Variants in PSD3 observed in about 807,000 individuals in gnomAD.
PSD3 encodes pleckstrin and Sec7 domain containing 3.
Under a neutral mutation model 105.5 loss-of-function variants are expected in PSD3, and 49 were observed. That is an observed-to-expected ratio of 0.46 (90% CI 0.37 to 0.59). The LOEUF (loss-of-function observed/expected upper bound fraction) is 0.59. Ranked by LOEUF, PSD3 falls within the 20% of genes least tolerant of loss-of-function variation. The probability of loss-of-function intolerance (pLI) is 0.00; values close to 1 mark genes in which losing one functional copy is unlikely to be tolerated. For missense variants in PSD3, 1,561 were observed against 1,263.8 expected, an observed-to-expected ratio of 1.24 and a Z score of -3.57; for synonymous variants, 557 against 457.8, an observed-to-expected ratio of 1.22 and a Z score of -2.77.
At chr8:18,845,043 T>C (rs1814972833) in intron 4 of PSD3, among the ~76,000 whole-genome samples, 1 of 152,138 alleles carries the variant, frequency 6.6e-6, no homozygotes, top group African/African-American at 2.4e-5. Context: ...TAAAATCTTG[T>C]TATGTAAAGG....
chr8:18,913,114 CA>C (rs1156576275), intron 2 of PSD3, among the ~76,000 whole-genome samples: 9 of 150,386 alleles, frequency 6.0e-5, no homozygotes, highest in South Asian at 2.1e-4. Flanking sequence ...CACACACACA[CA>C]CACACACACT....
At chr8:18,771,424 A>T (rs1807518907) in intron 8 of PSD3, among the ~76,000 whole-genome samples, 2 of 152,194 alleles carry the variant, frequency 1.3e-5, no homozygotes, top group Admixed American at 1.3e-4. Flanking sequence ...CTAAGAAATC[A>T]TTGCCTAATC....
chr8:18,715,262 A>T (rs964610015), intron 9 of PSD3, among the ~76,000 whole-genome samples: 1 of 152,220 alleles, frequency 6.6e-6, no homozygotes, highest in Non-Finnish European at 1.5e-5. Flanking sequence ...CACATCCTGC[A>T]CATGTAAAAT....
intron 1 of PSD3, among the ~76,000 whole-genome samples, chr8:18,954,276 A>C (rs1233080782): frequency 1.3e-5 from 2 of 152,144 alleles, no homozygotes; most frequent in African/African-American, 4.8e-5. Context: ...GGGGCCCAAG[A>C]TTTGGGGAGG....
intron 9 of PSD3, among the ~76,000 whole-genome samples, chr8:18,666,556 A>C (rs184992283): frequency 6.6e-6 from 1 of 152,326 alleles, no homozygotes; most frequent in African/African-American, 2.4e-5. Flanking sequence ...GTTCATCATC[A>C]AAAAACAAAC....
chr8:18,764,596 G>C (rs1806813285), intron 9 of PSD3, among the ~76,000 whole-genome samples: 1 of 152,178 alleles, frequency 6.6e-6, no homozygotes, highest in East Asian at 1.9e-4. Context: ...GTAGCTTAAA[G>C]GTTACATAAA....
chr8:18,554,470 A>G (rs1203034147), intron 15 of PSD3, among the ~76,000 whole-genome samples: 1 of 152,240 alleles, frequency 6.6e-6, no homozygotes, highest in Non-Finnish European at 1.5e-5. Flanking sequence ...TTACCAAAAT[A>G]AATAGTTCTC....
intron 11 of PSD3, among the ~76,000 whole-genome samples, chr8:18,617,300 G>A (rs1389712818): frequency 2.6e-5 from 4 of 152,174 alleles, no homozygotes; most frequent in Non-Finnish European, 5.9e-5. Context: ...GGAGGCTGAG[G>A]TGGGTGAATC....
At chr8:18,789,507 G>C (rs1162503233) in intron 8 of PSD3, among the ~76,000 whole-genome samples, 1 of 152,126 alleles carries the variant, frequency 6.6e-6, no homozygotes, top group Non-Finnish European at 1.5e-5. Context: ...TTCAGTTCCA[G>C]ATAAATATTA....
intron 12 of PSD3, among the ~76,000 whole-genome samples, chr8:18,585,246 C>T (rs962441902): frequency 6.6e-6 from 1 of 152,144 alleles, no homozygotes; most frequent in Non-Finnish European, 1.5e-5. Flanking sequence ...AACTCTTAAT[C>T]ATTTCATACA....
intron 9 of PSD3, among the ~76,000 whole-genome samples, chr8:18,754,784 G>C (rs911060728): frequency 2.0e-5 from 3 of 151,914 alleles, no homozygotes; most frequent in African/African-American, 7.3e-5. Context: ...TTGACCTTTA[G>C]CTAAGTGAAG....
chr8:18,804,556 C>A lies in PSD3; in HGVS notation c.1876G>T (p.Asp626Tyr). 2 of 1,613,462 alleles carry A rather than the reference C, an allele frequency of 1.2e-6. No homozygotes were observed. The highest frequency in any genetic ancestry group is 2.2e-5 in the South Asian group (2 of 91,032). Residue 626 changes from aspartate to tyrosine, a missense_variant, in exon 6 of 16, where the codon GAT becomes TAT. By Grantham distance (160) the Asp-to-Tyr change is radical (BLOSUM62 -3). Transcript: ENST00000327040. Reference protein sequence around the residue: ...LVAEEYLKFFDFTGMTLDQSL... With the variant: ...LVAEEYLKFFYFTGMTLDQSL... ...TGATCCAGCGTCATTCCTGTAAAATCAAAAAACTTCAGATATTCTTCTGCA... is the reference window on the plus strand; with the variant it reads ...TGATCCAGCGTCATTCCTGTAAAATAAAAAAACTTCAGATATTCTTCTGCA...
At position 19,013,332 on chromosome 8, in the gene PSD3, A is replaced by C. The variant is rs532973549; in HGVS notation, c.21+231T>G. Among the ~76,000 whole-genome samples, 3 of 152,152 alleles carry C rather than the reference A, an allele frequency of 2.0e-5. No individual in the cohort carries two copies. In the East Asian group the frequency reaches 5.8e-4, roughly 29 times the overall value. The stretch of plus-strand genomic sequence containing the variant: ...TGAGGTTTTCAAAGCCGAGGTATGA[A>C]CTAAAACCCCTAAACCTTAACACCA... On this transcript the variant is annotated intron_variant, in intron 1 of 15. Coordinates refer to ENST00000327040, the MANE Select transcript of PSD3 (RefSeq NM_015310.4).
chr8:18,906,313 T>C (rs1276438289), intron 2 of PSD3, among the ~76,000 whole-genome samples: 2 of 152,296 alleles, frequency 1.3e-5, no homozygotes, highest in Non-Finnish European at 2.9e-5. Flanking sequence ...ACCTAATAAA[T>C]TTTCCTTTTA....
chr8:18,810,386 T>A (rs915255465), intron 4 of PSD3, among the ~76,000 whole-genome samples: 2 of 152,288 alleles, frequency 1.3e-5, no homozygotes, highest in South Asian at 2.1e-4. Flanking sequence ...CTGTAGCTAA[T>A]CCTGGAAAAA....
chr8:18,838,581 C>A (rs1814331958), intron 4 of PSD3, among the ~76,000 whole-genome samples: 1 of 151,930 alleles, frequency 6.6e-6, no homozygotes, highest in African/African-American at 2.4e-5. Flanking sequence ...GCGGGCGGAT[C>A]ATGAGGTCAG....
chr8:18,899,932 C>T (rs1452556779), intron 2 of PSD3, among the ~76,000 whole-genome samples: 1 of 152,086 alleles, frequency 6.6e-6, no homozygotes, highest in East Asian at 1.9e-4. Context: ...GCCTTAAATC[C>T]TCGTACTCAC....
At chr8:18,782,704 G>A (rs2129445426) in intron 8 of PSD3, among the ~76,000 whole-genome samples, 1 of 152,272 alleles carries the variant, frequency 6.6e-6, no homozygotes, top group East Asian at 1.9e-4. Flanking sequence ...GGGTCCTCAG[G>A]CCCTTAGATG....
intron 9 of PSD3, among the ~76,000 whole-genome samples, chr8:18,696,429 T>C (rs945000716): frequency 1.3e-5 from 2 of 152,224 alleles, no homozygotes; most frequent in South Asian, 4.1e-4. Flanking sequence ...GGAGCTTGGA[T>C]TCAATGTTGA....
Sources: gnomAD v4.1 joint callset for allele counts (sites outside exome capture counted in the v4.1 genomes callset) on GRCh38, gnomAD v4.1.1 for gene constraint, MANE v1.5 for transcripts, NCBI Gene and HGNC (gene_info 2026-07-23, HGNC 2026-07-21) for gene names.